DMRT1: variants seen among roughly 807,000 people sequenced by gnomAD.
DMRT1 encodes the protein doublesex and mab-3 related transcription factor 1, also known as doublesex- and mab-3-related transcription factor 1.
A neutral mutation model predicts 32.3 loss-of-function variants in DMRT1; 7 were observed. The ratio of observed to expected loss-of-function variants is 0.22; its 90% confidence interval spans 0.12 to 0.41. The LOEUF (loss-of-function observed/expected upper bound fraction) is 0.41, where lower values mean the gene tolerates loss of function less well. DMRT1 is among the 10% of genes least tolerant of loss of function. The pLI is 1.00. For missense variants in DMRT1, 625 were observed against 500.5 expected, an observed-to-expected ratio of 1.25 and a Z score of -2.37; for synonymous variants, 278 against 206.1, an observed-to-expected ratio of 1.35 and a Z score of -2.99.
chr9:895,704 T>C (rs77506616), intron 3 of DMRT1, among the ~76,000 whole-genome samples: 5,201 of 152,262 alleles, frequency 0.034, 233 homozygotes, highest in East Asian at 0.14. Flanking sequence ...ACTTAAGATC[T>C]ACTCTATTAG....
chr9:844,417 A>G (rs1838813688), intron 1 of DMRT1, among the ~76,000 whole-genome samples: 1 of 140,944 alleles, frequency 7.1e-6, no homozygotes, highest in South Asian at 2.1e-4. Flanking sequence ...GGTCCTTAGC[A>G]TATGGAGTAG....
Position 894,053 on chromosome 9 carries a change from A to G in DMRT1, c.680A>G (p.Asn227Ser), listed in dbSNP as rs778877501. Residue 227 changes from asparagine to serine, a missense_variant, in exon 3 of 5, where the codon AAC (asparagine) becomes AGC (serine). Asn to Ser is a conservative substitution (Grantham distance 46). Transcript: ENST00000382276. ...TTTCCTTATTACAACAATCTATACA[A>G]CTGCCCGCAGTACTCCATGGCCTTG... ...SLFPYYNNLY[N>S]CPQYSMALAA... 8.1e-6 allele frequency: 13 copies of G among 1,613,996 alleles called. No homozygotes were observed. The highest frequency in any genetic ancestry group is 1.7e-5 in the Admixed American group (1 of 59,996).
chr9:852,167 C>G (rs1002538930), intron 2 of DMRT1, among the ~76,000 whole-genome samples: 2 of 151,760 alleles, frequency 1.3e-5, no homozygotes, highest in Non-Finnish European at 2.9e-5. Context: ...GAACTCTTGA[C>G]CTCAAGTGAT....
At chr9:946,781 A>G (rs1175980137) in intron 4 of DMRT1, among the ~76,000 whole-genome samples, 1 of 152,144 alleles carries the variant, frequency 6.6e-6, no homozygotes, top group East Asian at 1.9e-4. Flanking sequence ...GGGCTGAAAA[A>G]TGTGCTGCCT....
intron 3 of DMRT1, among the ~76,000 whole-genome samples, chr9:915,832 A>G (rs1320309331): frequency 1.3e-5 from 2 of 151,804 alleles, no homozygotes; most frequent in Non-Finnish European, 2.9e-5. Flanking sequence ...TCCCGGGTTC[A>G]CGCCATTCTC....
At chr9:934,949 T>A (rs1471485256) in intron 4 of DMRT1, among the ~76,000 whole-genome samples, 1 of 152,212 alleles carries the variant, frequency 6.6e-6, no homozygotes, top group Non-Finnish European at 1.5e-5. Context: ...CTCGGTTATC[T>A]TACTTTTGTT....
rs551993599 is a variant in DMRT1, at chr9:899,168, C to CA, written c.822+4981dup. On this transcript the variant is annotated intron_variant, in intron 3 of 4. Transcript: ENST00000382276. ...ATCAAGAAAGATTCAAATCTTTCTT[C>CA]AAAAAAAATCAATATTTTAAAAAAG... Among the ~76,000 whole-genome samples, 90 of 149,754 alleles carry CA rather than the reference C, an allele frequency of 6.0e-4. 1 individual carries two copies. Among genetic ancestry groups the CA allele is most frequent in the Middle Eastern group, 3.4e-3 (1 of 290 alleles).
chr9:865,069 A>G (rs183314885), intron 2 of DMRT1, among the ~76,000 whole-genome samples: 5 of 152,324 alleles, frequency 3.3e-5, no homozygotes, highest in African/African-American at 1.2e-4. Flanking sequence ...ACCTTCAGCT[A>G]TCTCAGAGTC....
At position 959,582 on chromosome 9, in the gene DMRT1, G is replaced by GCAACTC. The variant is rs1564277644; in HGVS notation, c.968-8401_968-8400insACTCCA. ...CTTGCTCTGTTGCCCAGGCTGGAGTGCAGTGGCACTATCTTGGCTCACTGC... is the reference window on the plus strand; with the variant it reads ...CTTGCTCTGTTGCCCAGGCTGGAGTGCAACTCCAGTGGCACTATCTTGGCTCACTGC... On this transcript the variant is annotated intron_variant, in intron 4 of 4. Transcript: ENST00000382276. 2.6e-5 allele frequency among the ~76,000 whole-genome samples: 4 copies of GCAACTC among 152,204 alleles called. No individual in the cohort carries two copies. The South Asian group carries it at 8.3e-4, about 32-fold the overall frequency.
At chr9:912,893 C>T (rs542950991) in intron 3 of DMRT1, among the ~76,000 whole-genome samples, 2 of 152,216 alleles carry the variant, frequency 1.3e-5, no homozygotes, top group South Asian at 2.1e-4. Flanking sequence ...TACTGAGTTC[C>T]CTTCTCACCT....
intron 1 of DMRT1, chr9:842,512 A>T: frequency 2.9e-6 from 1 of 347,816 alleles, no homozygotes; most frequent in South Asian, 3.5e-5. Flanking sequence ...CTGGGATTAC[A>T]GGCGTGGGCC....
At chr9:860,762 A>T (rs1411762388) in intron 2 of DMRT1, among the ~76,000 whole-genome samples, 1 of 152,222 alleles carries the variant, frequency 6.6e-6, no homozygotes, top group Non-Finnish European at 1.5e-5. Flanking sequence ...CTCTCTAAGG[A>T]AGTTAAGTCA....
intron 4 of DMRT1, among the ~76,000 whole-genome samples, chr9:959,246 G>A (rs1819693197): frequency 6.6e-6 from 1 of 152,260 alleles, no homozygotes; most frequent in African/African-American, 2.4e-5. Flanking sequence ...CACTTGTGGT[G>A]TGTGTGGCCA....
chr9:956,993 T>C (rs1005695476), intron 4 of DMRT1, among the ~76,000 whole-genome samples: 1 of 152,200 alleles, frequency 6.6e-6, no homozygotes, highest in African/African-American at 2.4e-5. Context: ...ATGTGCAGGT[T>C]TGTTACGTCA....
rs548766623 is a variant in DMRT1 at position 901,326 on chromosome 9, T to C, written c.822+7131T>C. 1.1e-4 allele frequency among the ~76,000 whole-genome samples: 16 copies of C among 148,410 alleles called. No individual in the cohort carries two copies. In the South Asian group the frequency reaches 3.2e-3, roughly 30 times the overall value. ...GCCACCACGCCTGACCAATTTTTTG[T>C]GTGTTTGTTTTTTATTGTGAGACAG... On this transcript the variant is annotated intron_variant, in intron 3 of 4. Coordinates refer to ENST00000382276, the MANE Select transcript of DMRT1 (RefSeq NM_021951.3).
intron 2 of DMRT1, among the ~76,000 whole-genome samples, chr9:878,585 T>C (rs898170042): frequency 6.6e-6 from 1 of 152,062 alleles, no homozygotes; most frequent in Non-Finnish European, 1.5e-5. Flanking sequence ...GAGTGGAAGA[T>C]TCCAAGTTCA....
Position 937,342 on chromosome 9 carries a change from G to A in DMRT1, c.967+20435G>A, listed in dbSNP as rs143719351. Among the ~76,000 whole-genome samples, 34 of 152,324 alleles carry A rather than the reference G, an allele frequency of 2.2e-4. 1 individual carries two copies. Among genetic ancestry groups the A allele is most frequent in the African/African-American group, 7.7e-4 (32 of 41,576 alleles). On this transcript the variant is annotated intron_variant, in intron 4 of 4. Transcript: ENST00000382276. The stretch of plus-strand genomic sequence containing the variant: ...GTATCTGTGTGAGTACCTGCTTTCA[G>A]TTCTTCTGGATATATATCTAGAAGT...
intron 2 of DMRT1, among the ~76,000 whole-genome samples, chr9:854,452 T>A (rs1413806445): frequency 6.6e-6 from 1 of 151,906 alleles, no homozygotes; most frequent in African/African-American, 2.4e-5. Flanking sequence ...CCTGGCTAAT[T>A]TTTGTATTTT....
chr9:923,002 T>G (rs975949968), intron 4 of DMRT1, among the ~76,000 whole-genome samples: 1 of 152,296 alleles, frequency 6.6e-6, no homozygotes, highest in Admixed American at 6.5e-5. Flanking sequence ...ATACAACTTT[T>G]CGAATCCATC....
Sources: gnomAD v4.1 joint callset for allele counts (sites outside exome capture counted in the v4.1 genomes callset) on GRCh38, gnomAD v4.1.1 for gene constraint, MANE v1.5 for transcripts, NCBI Gene and HGNC (gene_info 2026-07-23, HGNC 2026-07-21) for gene names.